EEIG1: variants seen among roughly 807,000 people sequenced by gnomAD.
The protein encoded by EEIG1 is early estrogen-induced gene 1 protein.
At chr9:127,945,792 G>A in the EEIG1 span, 14 of 1,349,232 alleles carry the variant, frequency 1.0e-5, no homozygotes, top group Non-Finnish European at 1.5e-5. This position sits in a 1 kb window ranked among gnomAD's most constrained non-coding sequence, Gnocchi z 6.5. Context: ...GGTGACAGGG[G>A]TCACCCAGTG....
At chr9:127,948,437 C>A in the EEIG1 span, 9 of 1,613,486 alleles carry the variant, frequency 5.6e-6, no homozygotes, top group Non-Finnish European at 7.6e-6. Context: ...GAGCAATCAG[C>A]TATGCCCTGA....
At chr9:127,945,872 G>GA in the EEIG1 span, 1 of 690,868 alleles carries the variant, frequency 1.4e-6, no homozygotes, top group Non-Finnish European at 2.5e-6. This position sits in a 1 kb window ranked among gnomAD's most constrained non-coding sequence, Gnocchi z 6.5. Flanking sequence ...TTAACAGACT[G>GA]AAAAACAGGT....
At chr9:127,945,469 C>T in the EEIG1 span, 2 of 1,565,072 alleles carry the variant, frequency 1.3e-6, no homozygotes, top group East Asian at 2.4e-5. This position sits in a 1 kb window ranked among gnomAD's most constrained non-coding sequence, Gnocchi z 6.5. Flanking sequence ...CACGGTCATG[C>T]CAAGGCCCCC....
chr9:127,944,974 T>C, the EEIG1 span: 15,880 of 1,533,564 alleles, frequency 0.01, 1,033 homozygotes, highest in East Asian at 0.2. Context: ...ACGACAATAA[T>C]GCCAGTCAGC....
chr9:127,942,187 C>T, the EEIG1 span: 1 of 152,722 alleles, frequency 6.5e-6, no homozygotes, highest in Non-Finnish European at 1.5e-5. Context: ...GCCCACCTGC[C>T]TCTCTGGCAT....
the EEIG1 span, among the ~76,000 whole-genome samples, chr9:127,960,690 A>C: frequency 6.6e-6 from 1 of 152,158 alleles, no homozygotes; most frequent in Non-Finnish European, 1.5e-5. Context: ...GCTCACAGTG[A>C]ATTGTGGGCT....
chr9:127,957,340 T>C, the EEIG1 span, among the ~76,000 whole-genome samples: 1 of 149,500 alleles, frequency 6.7e-6, no homozygotes, highest in South Asian at 2.1e-4. Flanking sequence ...GCAAACACAG[T>C]GAAAAGAAGA....
the EEIG1 span, among the ~76,000 whole-genome samples, chr9:127,951,858 G>A: frequency 6.6e-6 from 1 of 151,924 alleles, no homozygotes; most frequent in African/African-American, 2.4e-5. Context: ...TAAGTTCAGG[G>A]AGGGGAAGAA....
At chr9:127,945,360 G>C in the EEIG1 span, 1 of 1,576,830 alleles carries the variant, frequency 6.3e-7, no homozygotes, top group South Asian at 1.2e-5. The surrounding 1 kb of genome is among the most constrained non-coding windows in gnomAD (Gnocchi z 6.5). Flanking sequence ...CAAGCAGTAG[G>C]CCTCACCTGA....
At chr9:127,959,379 C>T in the EEIG1 span, among the ~76,000 whole-genome samples, 1 of 152,206 alleles carries the variant, frequency 6.6e-6, no homozygotes, top group Non-Finnish European at 1.5e-5. Flanking sequence ...TAAATCAAAG[C>T]AGCCAGCCAG....
At chr9:127,960,926 G>A in the EEIG1 span, among the ~76,000 whole-genome samples, 3 of 152,162 alleles carry the variant, frequency 2.0e-5, no homozygotes, top group Admixed American at 1.3e-4. Context: ...CCACTCCCAC[G>A]GGAAGAGGCA....
At chr9:127,971,667 A>G in the EEIG1 span, among the ~76,000 whole-genome samples, 6 of 152,164 alleles carry the variant, frequency 3.9e-5, no homozygotes, top group African/African-American at 1.4e-4. Context: ...CACAGCAGGA[A>G]GCCCCAAGAC....
At chr9:127,961,154 A>G in the EEIG1 span, among the ~76,000 whole-genome samples, 1 of 152,188 alleles carries the variant, frequency 6.6e-6, no homozygotes, top group African/African-American at 2.4e-5. Flanking sequence ...TCTCGACCCC[A>G]GCCCCATCTG....
At chr9:127,978,154 C>A in the EEIG1 span, among the ~76,000 whole-genome samples, 1 of 152,274 alleles carries the variant, frequency 6.6e-6, no homozygotes, top group East Asian at 1.9e-4. Flanking sequence ...GAACAGGGAG[C>A]CAGTGCTCAG....
chr9:127,970,266 G>A, the EEIG1 span, among the ~76,000 whole-genome samples: 3 of 152,090 alleles, frequency 2.0e-5, no homozygotes, highest in Non-Finnish European at 4.4e-5. Flanking sequence ...ACAGGCATGC[G>A]CCACCATGCC....
chr9:127,960,388 G>A, the EEIG1 span, among the ~76,000 whole-genome samples: 1 of 152,202 alleles, frequency 6.6e-6, no homozygotes, highest in African/African-American at 2.4e-5. Flanking sequence ...AAGGGTGTGA[G>A]AAGACTGCAT....
chr9:127,961,796 G>A, the EEIG1 span, among the ~76,000 whole-genome samples: 1 of 148,600 alleles, frequency 6.7e-6, no homozygotes, highest in Non-Finnish European at 1.5e-5. Context: ...AGAGCAATCC[G>A]GGCACGAGGA....
At chr9:127,974,630 C>T in the EEIG1 span, among the ~76,000 whole-genome samples, 1 of 152,184 alleles carries the variant, frequency 6.6e-6, no homozygotes, top group Non-Finnish European at 1.5e-5. Flanking sequence ...GGACAGACAC[C>T]TGGACGGAAA....
At chr9:127,947,263 C>A in the EEIG1 span, among the ~76,000 whole-genome samples, 1,090 of 94,236 alleles carry the variant, frequency 0.012, 1 homozygote, top group Non-Finnish European at 0.013. Context: ...ACTAAAAATA[C>A]AAAAAAAAAA....
Sources: gnomAD v4.1 joint callset for allele counts (sites outside exome capture counted in the v4.1 genomes callset) on GRCh38, gnomAD v4.1.1 for gene constraint, Gnocchi (gnomAD v3.1) non-coding constraint, MANE v1.5 for transcripts, NCBI Gene and HGNC (gene_info 2026-07-23, HGNC 2026-07-21) for gene names.